The following SMG7 variants were observed in gnomAD, a reference collection of about 807,000 sequenced individuals.
The protein encoded by SMG7 is nonsense-mediated mRNA decay factor SMG7.
In SMG7, 34 loss-of-function variants were observed where a neutral mutation model predicts 148.2. The observed-to-expected ratio is 0.23, with a 90% CI of 0.17 to 0.31. The LOEUF is 0.31. SMG7 is among the 10% of genes least tolerant of loss of function. SMG7 has a pLI of 1.00. For missense variants in SMG7, 1,114 were observed against 1,408.4 expected (o/e 0.79, Z 3.35); for synonymous variants, 492 against 515.1 (o/e 0.96, Z 0.61).
Position 183,542,479 on chromosome 1 carries a change from G to A in SMG7, c.1819G>A (p.Gly607Arg), listed in dbSNP as rs1669048931. 1 of 1,613,462 alleles carries A rather than the reference G, an allele frequency of 6.2e-7. No individual in the cohort carries two copies. The highest frequency in any genetic ancestry group is 1.1e-5 in the South Asian group (1 of 91,008). Residue 607 changes from glycine to arginine, a missense_variant, in exon 14 of 23, where the codon GGA becomes AGA. Gly to Arg is a moderately radical substitution (Grantham distance 125). Transcript: ENST00000688051. ...CACCTTAGAAAAGTTACAGGAAACA[G>A]GAAAGCAGAATGTGGCAGTGCAGGT... Reference protein sequence around the residue: ...KCTLEKLQETGKQNVAVQVKS... With the variant: ...KCTLEKLQETRKQNVAVQVKS...
chr1:183,506,326 T>C (rs1660878330), intron 1 of SMG7, among the ~76,000 whole-genome samples: 4 of 152,256 alleles, frequency 2.6e-5, no homozygotes, highest in Admixed American at 2.6e-4. Context: ...AGCAAATTAG[T>C]ATTTTTATTA....
At chr1:183,521,375 C>T (rs916605811) in intron 4 of SMG7, among the ~76,000 whole-genome samples, 2 of 152,186 alleles carry the variant, frequency 1.3e-5, no homozygotes, top group African/African-American at 4.8e-5. Flanking sequence ...GCTGGGATTA[C>T]AGGCGTGAGC....
At chr1:183,544,004 T>C (rs1477314264) in intron 14 of SMG7, among the ~76,000 whole-genome samples, 3 of 152,164 alleles carry the variant, frequency 2.0e-5, no homozygotes, top group African/African-American at 7.2e-5. Context: ...TAGAGAACCC[T>C]GGGCCCCAGA....
At chr1:183,502,159 TGA>T (rs1659874741) in intron 1 of SMG7, 1 of 812,558 alleles carries the variant, frequency 1.2e-6, no homozygotes, top group South Asian at 4.1e-5. Context: ...ACCTTTCACA[TGA>T]AGTCATTTCA....
At chr1:183,505,895 A>G (rs148108294) in intron 1 of SMG7, among the ~76,000 whole-genome samples, 1 of 152,156 alleles carries the variant, frequency 6.6e-6, no homozygotes, top group African/African-American at 2.4e-5. Flanking sequence ...CTTCAGTCTT[A>G]TATCTGTAGT....
intron 4 of SMG7, among the ~76,000 whole-genome samples, chr1:183,521,011 T>TA (rs918845916): frequency 2.6e-5 from 4 of 151,942 alleles, no homozygotes; most frequent in Non-Finnish European, 5.9e-5. Context: ...TAAGCATCAA[T>TA]AAACGTCTTT....
intron 1 of SMG7, among the ~76,000 whole-genome samples, chr1:183,489,295 T>C (rs1469357905): frequency 6.6e-6 from 1 of 152,154 alleles, no homozygotes; most frequent in African/African-American, 2.4e-5. Context: ...CATTCTCGGG[T>C]TCTTGTCAGA....
intron 8 of SMG7, among the ~76,000 whole-genome samples, chr1:183,531,960 T>C (rs778829014): frequency 1.1e-4 from 16 of 152,160 alleles, no homozygotes; most frequent in Non-Finnish European, 2.2e-4. Flanking sequence ...AGATTAATGC[T>C]TGATGTCTTT....
chr1:183,528,852 A>G, intron 6 of SMG7, 40 bp from the exon 7 acceptor site: 1 of 1,534,928 alleles, frequency 6.5e-7, no homozygotes, highest in Non-Finnish European at 8.9e-7. Flanking sequence ...AGACTTTGTC[A>G]CTCTTGGGGT....
rs34801227 is a variant in SMG7 at position 183,544,977 on chromosome 1, A to G, written c.2035A>G (p.Met679Val). Residue 679 changes from methionine to valine, a missense_variant, in exon 16 of 23, where the codon ATG (methionine) becomes GTG (valine). Met to Val is a conservative substitution (Grantham distance 21). Transcript: ENST00000688051. ...TATCCCCCCGCCTGTGGCATTTTCT[A>G]TGGGCTCAGGTTACACCTTCCCAGC... ...YVIPPPVAFS[M>V]GSGYTFPAGV... 1,605 of 1,613,324 alleles carry G rather than the reference A, an allele frequency of 9.9e-4. 19 individuals carry two copies. In the African/African-American group the frequency reaches 0.017, roughly 17 times the overall value.
In SMG7 at chr1:183,553,608, G is replaced by GCCCCCCCCCCCCCCCCC. The variant is rs3832026; in HGVS notation, c.*1685_*1686insCCCCCCCCCCCCCCCCC. The GCCCCCCCCCCCCCCCCC allele has an allele frequency of 4.7e-5, 6 of 128,290 alleles. No homozygotes were observed. The highest frequency in any genetic ancestry group is 2.8e-4 in the East Asian group (1 of 3,614). The allele number at this position is 128,290 out of a possible 1,614,324, so 7.9% of individuals were successfully genotyped here. A position where few individuals can be genotyped will look rare whatever the true frequency, so the allele number is the denominator to read the frequency against. On this transcript the variant is annotated 3_prime_UTR_variant, in exon 23 of 23. Transcript: ENST00000688051. ...TTGCTCTTCAGAGAGAGTGGTTGGA[G>GCCCCCCCCCCCCCCCCC]CCCCCCCCGCCCCGTATGCTTACAT...
chr1:183,553,524 C>T lies in SMG7; in HGVS notation c.*1593C>T. On this transcript the variant is annotated 3_prime_UTR_variant, in exon 23 of 23. Coordinates refer to ENST00000688051, the MANE Select transcript of SMG7 (RefSeq NM_001375584.1). ...TGTAGAGCAAAGCACATCCAGGAGC[C>T]CCAGTTGTCACTGCAGTCTGGGCAA... The T allele has an allele frequency of 3.8e-6, 1 of 265,744 alleles. No individual in the cohort carries two copies. The highest frequency in any genetic ancestry group is 7.3e-6 in the Non-Finnish European group (1 of 136,954). 16.5% of individuals were successfully genotyped at this position (265,744 alleles called of 1,614,324 possible).
At chr1:183,472,873 C>G (rs368051343) in intron 1 of SMG7, 51 of 400,798 alleles carry the variant, frequency 1.3e-4, no homozygotes, top group East Asian at 1.1e-3. Context: ...CGGCTCGTCC[C>G]GGTGCGAGGA....
chr1:183,481,332 T>C (rs1460006539), intron 1 of SMG7, among the ~76,000 whole-genome samples: 1 of 152,224 alleles, frequency 6.6e-6, no homozygotes, highest in East Asian at 1.9e-4. Context: ...CTTCACCTTC[T>C]TTTGTGAAGA....
At chr1:183,497,594 G>T (rs1242378311) in intron 1 of SMG7, among the ~76,000 whole-genome samples, 2 of 151,930 alleles carry the variant, frequency 1.3e-5, no homozygotes, top group Non-Finnish European at 2.9e-5. Context: ...TTTTGCGATG[G>T]AGTCTTGTTC....
chr1:183,479,767 T>G (rs979844379), intron 1 of SMG7, among the ~76,000 whole-genome samples: 10 of 152,146 alleles, frequency 6.6e-5, no homozygotes, highest in Non-Finnish European at 8.8e-5. Context: ...TATGTAAGTA[T>G]AGGCAAGAAG....
chr1:183,480,958 T>C (rs1653952675), intron 1 of SMG7, among the ~76,000 whole-genome samples: 1 of 152,202 alleles, frequency 6.6e-6, no homozygotes, highest in Admixed American at 6.5e-5. Context: ...TCTCCTAAAA[T>C]TGCTGTCAGT....
rs775845193 is a variant in SMG7 at position 183,529,109 on chromosome 1, A to C, written c.707+67A>C. ...TTGTAACCTGGAGCCTTAATTCCTCATAATTTGGTTTACAGAAAATAACGG... is the reference window on the plus strand; with the variant it reads ...TTGTAACCTGGAGCCTTAATTCCTCCTAATTTGGTTTACAGAAAATAACGG... On this transcript the variant is annotated intron_variant, in intron 7 of 22. Coordinates refer to ENST00000688051, the MANE Select transcript of SMG7 (RefSeq NM_001375584.1). The C allele has an allele frequency of 2.7e-6, 4 of 1,463,856 alleles. No homozygotes were observed. In the African/African-American group the frequency reaches 5.7e-5, roughly 21 times the overall value. 90.7% of individuals were successfully genotyped at this position (1,463,856 alleles called of 1,614,324 possible). A position where few individuals can be genotyped will look rare whatever the true frequency, so the allele number is the denominator to read the frequency against.
At chr1:183,510,332 G>T (rs896689717) in intron 1 of SMG7, among the ~76,000 whole-genome samples, 4 of 152,120 alleles carry the variant, frequency 2.6e-5, no homozygotes, top group African/African-American at 9.7e-5. Flanking sequence ...TGGTAGGATA[G>T]GGTACATGGT....
Sources: gnomAD v4.1 joint callset for allele counts (sites outside exome capture counted in the v4.1 genomes callset) on GRCh38, gnomAD v4.1.1 for gene constraint, MANE v1.5 for transcripts, NCBI Gene and HGNC (gene_info 2026-07-23, HGNC 2026-07-21) for gene names.